Variants in CNTN5 observed in about 807,000 individuals in gnomAD.
The protein encoded by CNTN5 is contactin 5.
CNTN5 carries 77 observed loss-of-function variants against 129.1 expected under a neutral mutation model. That is an observed-to-expected ratio of 0.60 (90% confidence interval 0.50 to 0.72). CNTN5 has a LOEUF of 0.72. Among genes scored for constraint, CNTN5 ranks in the 30% least tolerant of loss-of-function variants. CNTN5 has a pLI of 0.00. For synonymous variants in CNTN5, 509 were observed against 465.6 expected, an observed-to-expected ratio of 1.09 and a Z score of -1.20; for missense variants, 1,478 against 1,328.8, an observed-to-expected ratio of 1.11 and a Z score of -1.75.
At chr11:99,715,841 T>C (rs887444431) in intron 3 of CNTN5, among the ~76,000 whole-genome samples, 16 of 152,080 alleles carry the variant, frequency 1.1e-4, no homozygotes, top group African/African-American at 3.9e-4. Flanking sequence ...GTCTAATATA[T>C]TGGGAAAGGA....
chr11:99,356,382 T>A (rs1436724496), intron 2 of CNTN5, among the ~76,000 whole-genome samples: 1 of 152,180 alleles, frequency 6.6e-6, no homozygotes, highest in Non-Finnish European at 1.5e-5. Flanking sequence ...AAAGCATAAT[T>A]TCTGCTTCAC....
intron 4 of CNTN5, among the ~76,000 whole-genome samples, chr11:99,825,063 A>G (rs1328794870): frequency 2.0e-5 from 3 of 151,996 alleles, no homozygotes; most frequent in Non-Finnish European, 2.9e-5. Flanking sequence ...TCTTGCTCAT[A>G]TGGCGTTGTC....
chr11:99,112,437 A>G (rs564042361), intron 1 of CNTN5, among the ~76,000 whole-genome samples: 10 of 152,020 alleles, frequency 6.6e-5, no homozygotes, highest in African/African-American at 2.4e-4. Flanking sequence ...CTCTAATTGA[A>G]AGTATAAAAA....
intron 2 of CNTN5, among the ~76,000 whole-genome samples, chr11:99,494,125 T>C (rs1364713791): frequency 6.6e-6 from 1 of 152,228 alleles, no homozygotes; most frequent in Non-Finnish European, 1.5e-5. Flanking sequence ...GAGACATTCA[T>C]GTCAGAGCTT....
At chr11:100,195,942 A>T (rs976751445) in intron 15 of CNTN5, among the ~76,000 whole-genome samples, 3 of 151,432 alleles carry the variant, frequency 2.0e-5, no homozygotes, top group African/African-American at 7.3e-5. Context: ...ATAAAGGCAG[A>T]TTTGGGAGGC....
intron 3 of CNTN5, among the ~76,000 whole-genome samples, chr11:99,745,360 TTTTG>T (rs2135183884): frequency 6.6e-6 from 1 of 152,314 alleles, no homozygotes; most frequent in East Asian, 1.9e-4. Flanking sequence ...CCCAAATTTA[TTTTG>T]TCTTCTTTTC....
intron 3 of CNTN5, among the ~76,000 whole-genome samples, chr11:99,578,605 T>G (rs997946390): frequency 6.7e-6 from 1 of 149,832 alleles, no homozygotes; most frequent in East Asian, 2.0e-4. Context: ...TTTCATGTGT[T>G]TTTTGGCTGC....
intron 18 of CNTN5, among the ~76,000 whole-genome samples, chr11:100,281,944 ATC>A (rs1950648843): frequency 6.7e-6 from 1 of 148,276 alleles, no homozygotes; most frequent in Non-Finnish European, 1.5e-5. Context: ...TATTATTTCA[ATC>A]TCTTTGTTAA....
intron 1 of CNTN5, among the ~76,000 whole-genome samples, chr11:99,066,569 G>A (rs989944591): frequency 1.3e-5 from 2 of 152,072 alleles, no homozygotes; most frequent in African/African-American, 4.8e-5. Flanking sequence ...TTTTTAAAAA[G>A]TCTTCAGTAG....
At chr11:99,639,724 C>A (rs1417486596) in intron 3 of CNTN5, among the ~76,000 whole-genome samples, 3 of 151,878 alleles carry the variant, frequency 2.0e-5, no homozygotes, top group Admixed American at 1.3e-4. Context: ...GCCACTACGC[C>A]CAGCTAATTT....
At chr11:99,958,385 C>T (rs1456143339) in intron 8 of CNTN5, among the ~76,000 whole-genome samples, 1 of 151,962 alleles carries the variant, frequency 6.6e-6, no homozygotes, top group East Asian at 1.9e-4. Context: ...ATTGAATGGG[C>T]GATGATTCTC....
chr11:99,126,616 G>C (rs545723046), intron 1 of CNTN5, among the ~76,000 whole-genome samples: 54 of 152,156 alleles, frequency 3.5e-4, no homozygotes, highest in African/African-American at 1.3e-3. Flanking sequence ...AAAAGTCCTG[G>C]GTCTATTTTA....
intron 2 of CNTN5, among the ~76,000 whole-genome samples, chr11:99,337,022 G>C (rs1866257925): frequency 6.6e-6 from 1 of 152,062 alleles, no homozygotes; most frequent in African/African-American, 2.4e-5. Context: ...GACACATACA[G>C]AGTATTTCTT....
At chr11:99,847,155 G>A (rs1396854014) in intron 6 of CNTN5, among the ~76,000 whole-genome samples, 1 of 152,140 alleles carries the variant, frequency 6.6e-6, no homozygotes, top group Non-Finnish European at 1.5e-5. Context: ...GTTAGCTATA[G>A]CCTGTATGTC....
chr11:99,732,488 A>C (rs1018108250), intron 3 of CNTN5, among the ~76,000 whole-genome samples: 25 of 152,248 alleles, frequency 1.6e-4, no homozygotes, highest in Non-Finnish European at 1.3e-4. Context: ...ATAAGCCTTA[A>C]ATTTAGAACA....
At chr11:99,736,869 C>A (rs139690367) in intron 3 of CNTN5, among the ~76,000 whole-genome samples, 14 of 152,070 alleles carry the variant, frequency 9.2e-5, no homozygotes, top group Non-Finnish European at 1.6e-4. Flanking sequence ...TTTCTATCAC[C>A]TTTCACAATA....
intron 3 of CNTN5, among the ~76,000 whole-genome samples, chr11:99,759,152 T>G (rs1337210124): frequency 6.6e-6 from 1 of 152,052 alleles, no homozygotes; most frequent in Non-Finnish European, 1.5e-5. Flanking sequence ...TCAAAGGTGT[T>G]AAGAAATTTG....
chr11:99,654,324 T>G (rs2135892040), intron 3 of CNTN5, among the ~76,000 whole-genome samples: 1 of 152,218 alleles, frequency 6.6e-6, no homozygotes, highest in East Asian at 1.9e-4. Flanking sequence ...TAGCCTCCTC[T>G]TCCTATGGAA....
At chr11:99,847,117 T>A (rs1184530440) in intron 6 of CNTN5, among the ~76,000 whole-genome samples, 1 of 152,238 alleles carries the variant, frequency 6.6e-6, no homozygotes, top group Non-Finnish European at 1.5e-5. Context: ...TACAGTTTGG[T>A]CTACAGTATT....
Sources: allele counts gnomAD v4.1 joint callset (sites outside exome capture counted in the v4.1 genomes callset), GRCh38; gene constraint gnomAD v4.1.1; transcripts MANE v1.5; gene names NCBI Gene and HGNC (gene_info 2026-07-23, HGNC 2026-07-21).